The following PIGQ variants were observed in gnomAD, a reference collection of about 807,000 sequenced individuals.
PIGQ encodes phosphatidylinositol glycan anchor biosynthesis class Q.
In PIGQ, 54 loss-of-function variants were observed where a neutral mutation model predicts 60.3. The observed-to-expected ratio is 0.90, with a 90% confidence interval of 0.72 to 1.12. The LOEUF (loss-of-function observed/expected upper bound fraction) is 1.12, where lower values mean the gene tolerates loss of function less well. PIGQ is among the 50% of genes most tolerant of loss of function. The pLI is 0.00. For missense variants in PIGQ, 799 were observed against 793.5 expected (o/e 1.01, Z -0.08); for synonymous variants, 416 against 363.7 (o/e 1.14, Z -1.64).
chr16:579,329 G>C (rs1026092988), intron 7 of PIGQ, 149 bp downstream of exon 7: 1 of 640,118 alleles, frequency 1.6e-6, no homozygotes, highest in South Asian at 1.8e-5. Flanking sequence ...ATAAGTCTGC[G>C]GTGTGGGCTG....
At chr16:581,297 G>C (rs563110080) in intron 9 of PIGQ, 4 of 1,308,580 alleles carry the variant, frequency 3.1e-6, no homozygotes, top group East Asian at 4.8e-5. Context: ...GGCCAAGCGC[G>C]GCAAAGTCAG....
rs1350716245 is a variant in PIGQ at position 583,170 on chromosome 16, T to A, written c.*135T>A. On this transcript the variant is annotated 3_prime_UTR_variant, in exon 11 of 11. Transcript: ENST00000321878. ...GTGTGCTCCTGAACACGGCAGGCCCTGCTATCACACCTTGGGCTTGGAGGT... is the reference window on the plus strand; with the variant it reads ...GTGTGCTCCTGAACACGGCAGGCCCAGCTATCACACCTTGGGCTTGGAGGT... 1 of 1,613,316 alleles carries A rather than the reference T, an allele frequency of 6.2e-7. No individual in the cohort carries two copies. The highest frequency in any genetic ancestry group is 1.1e-5 in the South Asian group (1 of 91,088).
intron 8 of PIGQ, chr16:580,551 G>T (rs2035794519): frequency 1.8e-6 from 1 of 552,466 alleles, no homozygotes; most frequent in South Asian, 2.4e-5. Flanking sequence ...CTGGCACTGG[G>T]GCAGACAGTG....
chr16:580,322 C>A, intron 8 of PIGQ, 59 bp downstream of exon 8: 1 of 1,355,576 alleles, frequency 7.4e-7, no homozygotes, highest in Non-Finnish European at 1.0e-6. Flanking sequence ...CTTCTGCCAG[C>A]GCTGCCTGGG....
chr16:571,077 G>C (rs1291008038), intron 1 of PIGQ, among the ~76,000 whole-genome samples: 6 of 10,058 alleles, frequency 6.0e-4, no homozygotes, highest in African/African-American at 2.2e-3. Flanking sequence ...GTGTGTGTGT[G>C]TGTGTGTGTG....
intron 1 of PIGQ, among the ~76,000 whole-genome samples, chr16:571,571 C>T (rs1177046081): frequency 1.5e-4 from 13 of 87,348 alleles, no homozygotes; most frequent in South Asian, 4.5e-4. Context: ...GCCTGGTGCC[C>T]GTGTGTGTGT....
chr16:581,268 G>T, intron 9 of PIGQ: 2 of 1,364,682 alleles, frequency 1.5e-6, no homozygotes, highest in Non-Finnish European at 1.9e-6. Context: ...GGGCTTGGGA[G>T]TCTGAACTGC....
chr16:572,460 G>C, intron 1 of PIGQ: 1 of 454,206 alleles, frequency 2.2e-6, no homozygotes, highest in South Asian at 1.6e-5. Context: ...TTAAGCCCCA[G>C]GCATTTCCGT....
rs772289222 is a variant in PIGQ at position 578,350 on chromosome 16, G to A, written c.943-29G>A. Reference sequence around the variant, plus strand: ...GCAGGTGCTGAGCCTGGCTGCCCCCGCCCCAGCGTGGCCCCTGTGTCCCTG... The same window carrying A: ...GCAGGTGCTGAGCCTGGCTGCCCCCACCCCAGCGTGGCCCCTGTGTCCCTG... On this transcript the variant is annotated intron_variant, in intron 4 of 10. Coordinates refer to ENST00000321878, the MANE Select transcript of PIGQ (RefSeq NM_004204.5). 123 of 1,593,506 alleles carry A rather than the reference G, an allele frequency of 7.7e-5. 1 individual carries two copies. The highest frequency in any genetic ancestry group is 2.5e-4 in the South Asian group (22 of 89,600).
chr16:572,663 T>G (rs1176994275), intron 1 of PIGQ: 1 of 455,544 alleles, frequency 2.2e-6, no homozygotes, highest in Non-Finnish European at 4.4e-6. Context: ...CCCACTCTGT[T>G]CCCTCGTCCC....
At chr16:571,069 G>GCCTAGCC (rs1417396948) in intron 1 of PIGQ, among the ~76,000 whole-genome samples, 1 of 16,624 alleles carries the variant, frequency 6.0e-5, no homozygotes. Context: ...GTGTGTGTGT[G>GCCTAGCC]TGTGTGTGTG....
At position 583,853 on chromosome 16, in the gene PIGQ, G is replaced by A. The variant is rs1362173455; in HGVS notation, c.*818G>A. The A allele has an allele frequency of 1.1e-5, 7 of 621,262 alleles. No homozygotes were observed. Among genetic ancestry groups the A allele is most frequent in the Non-Finnish European group, 2.0e-5 (7 of 344,858 alleles). The allele number at this position is 621,262 out of a possible 1,614,324, so 38.5% of individuals were successfully genotyped here. ...CTGTGGCCCCCCAGGAGTGTGAGTG[G>A]CCTGGGGAGGGGGCCGTGGCACTGA... On this transcript the variant is annotated 3_prime_UTR_variant, in exon 11 of 11. Transcript: ENST00000321878.
At chr16:575,668 C>T (rs763041119) in intron 2 of PIGQ, among the ~76,000 whole-genome samples, 171 bp from the exon 3 acceptor site, 8 of 152,138 alleles carry the variant, frequency 5.3e-5, no homozygotes, top group Non-Finnish European at 5.9e-5. Context: ...GTGAGGTGGG[C>T]GCGTTGAGCG....
At chr16:580,318 C>A in intron 8 of PIGQ, 55 bp downstream of exon 8, 2 of 1,377,016 alleles carry the variant, frequency 1.5e-6, no homozygotes, top group Non-Finnish European at 2.0e-6. Flanking sequence ...GTGGCTTCTG[C>A]CAGCGCTGCC....
chr16:576,672 C>T, intron 4 of PIGQ: 1 of 439,916 alleles, frequency 2.3e-6, no homozygotes, highest in Non-Finnish European at 4.0e-6. Context: ...GGACTTCCTG[C>T]CCTGCCCCTG....
At chr16:571,546 G>GTT (rs2035629026) in intron 1 of PIGQ, among the ~76,000 whole-genome samples, 1 of 115,988 alleles carries the variant, frequency 8.6e-6, no homozygotes, top group Non-Finnish European at 1.8e-5. Context: ...GCCTGTGTGT[G>GTT]TGTGTGTCTG....
rs968355826 is a variant in PIGQ, at chr16:583,941, G to C, written c.*906G>C. The C allele has an allele frequency of 4.5e-6, 2 of 449,386 alleles. No homozygotes were observed. Among genetic ancestry groups the C allele is most frequent in the African/African-American group, 2.0e-5 (1 of 50,172 alleles). The allele number at this position is 449,386 out of a possible 1,614,324, so 27.8% of individuals were successfully genotyped here. A position where few individuals can be genotyped will look rare whatever the true frequency, so the allele number is the denominator to read the frequency against. Reference sequence around the variant, plus strand: ...GGGTGTTCCCTGTGAGCCCGAGTCCGCTTCAGGAGGGGAGCCTGCAGGTGC... The same window carrying C: ...GGGTGTTCCCTGTGAGCCCGAGTCCCCTTCAGGAGGGGAGCCTGCAGGTGC... On this transcript the variant is annotated 3_prime_UTR_variant, in exon 11 of 11. Transcript: ENST00000321878.
At chr16:580,427 G>A in intron 8 of PIGQ, 164 bp downstream of exon 8, 3 of 590,446 alleles carry the variant, frequency 5.1e-6, no homozygotes, top group Admixed American at 2.9e-5. Flanking sequence ...TCTGGAGTGG[G>A]CGAGGCCCTA....
At position 582,314 on chromosome 16, in the gene PIGQ, G is replaced by A; in HGVS notation, c.1593+5G>A. 6.3e-7 allele frequency: 1 copy of A among 1,589,742 alleles called. No homozygotes were observed. Among genetic ancestry groups the A allele is most frequent in the South Asian group, 1.1e-5 (1 of 88,786 alleles). ...CCCCTCCGCCTCCTGATGCAGGTGA[G>A]GCCCCTTGTGGCCAGGACGCCCCTA... On this transcript the variant is annotated splice_donor_5th_base_variant and intron_variant, in intron 10 of 10. Coordinates refer to ENST00000321878, the MANE Select transcript of PIGQ (RefSeq NM_004204.5).
Sources: gnomAD v4.1 joint callset for allele counts (sites outside exome capture counted in the v4.1 genomes callset) on GRCh38, gnomAD v4.1.1 for gene constraint, MANE v1.5 for transcripts, NCBI Gene and HGNC (gene_info 2026-07-23, HGNC 2026-07-21) for gene names.